The following CPA1 variants were observed in gnomAD, a reference collection of about 807,000 sequenced individuals.
CPA1 encodes carboxypeptidase A1, also known as carboxypeptidase A1 (pancreatic).
A neutral mutation model predicts 48.7 loss-of-function variants in CPA1; 42 were observed. The ratio of observed to expected loss-of-function variants is 0.86; its 90% confidence interval spans 0.67 to 1.11. The LOEUF (loss-of-function observed/expected upper bound fraction) is 1.11, where lower values mean the gene tolerates loss of function less well. CPA1 is among the 50% of genes most tolerant of loss of function. CPA1 has a pLI of 0.00. For missense variants in CPA1, 477 were observed against 544.7 expected (o/e 0.88, Z 1.24); for synonymous variants, 203 against 217.9 (o/e 0.93, Z 0.60).
intron 1 of CPA1, chr7:130,380,817 G>A: frequency 1.8e-6 from 1 of 560,516 alleles, no homozygotes; most frequent in Non-Finnish European, 3.2e-6. Flanking sequence ...GTTTTCAGGA[G>A]AGGAGAAAGG....
rs1427767623 is a variant in CPA1, at chr7:130,387,687, C to T, written c.1073-137C>T. On this transcript the variant is annotated intron_variant, in intron 9 of 9. Coordinates refer to ENST00000011292, the MANE Select transcript of CPA1 (RefSeq NM_001868.4). The surrounding 1 kb of genome is among the most constrained non-coding windows in gnomAD (Gnocchi z 4.6). Reference sequence around the variant, plus strand: ...GGAAGTGAGGCTGCTTGGTCAACAGCAGACCTTAGTAGACACTGACTCCAC... The same window carrying T: ...GGAAGTGAGGCTGCTTGGTCAACAGTAGACCTTAGTAGACACTGACTCCAC... 9 of 788,998 alleles carry T rather than the reference C, an allele frequency of 1.1e-5. No homozygotes were observed. Among genetic ancestry groups the T allele is most frequent in the Non-Finnish European group, 1.7e-5 (8 of 483,388 alleles). The allele number at this position is 788,998 out of a possible 1,614,324, so 48.9% of individuals were successfully genotyped here. A position where few individuals can be genotyped will look rare whatever the true frequency, so the allele number is the denominator to read the frequency against.
Position 130,381,147 on chromosome 7 carries a change from G to A in CPA1, c.115G>A (p.Val39Met), listed in dbSNP as rs1554411112. 1.2e-6 allele frequency: 2 copies of A among 1,613,644 alleles called. No individual in the cohort carries two copies. Among genetic ancestry groups the A allele is most frequent in the Admixed American group, 1.7e-5 (1 of 59,994 alleles). ...SVADEAQVQKVKELEDLEHLQ... is the reference protein window; with the variant it reads ...SVADEAQVQKMKELEDLEHLQ... ...AGCCGATGAGGCCCAGGTACAGAAGGTGAAGGAGCTGGAGGACCTGGAGCA... is the reference window on the plus strand; with the variant it reads ...AGCCGATGAGGCCCAGGTACAGAAGATGAAGGAGCTGGAGGACCTGGAGCA... The change falls in exon 2 of 10, where the codon GTG (valine) becomes ATG (methionine). Residue 39 changes from valine to methionine, a missense_variant. By Grantham distance (21) the Val-to-Met change is conservative. Transcript: ENST00000011292.
At chr7:130,383,914 C>A in intron 6 of CPA1, 120 bp downstream of exon 6, 1 of 771,194 alleles carries the variant, frequency 1.3e-6, no homozygotes, top group South Asian at 1.4e-5. Context: ...CAGACCTGTG[C>A]TCCTAGCCGA....
intron 7 of CPA1, 88 bp from the exon 8 acceptor site, chr7:130,385,058 C>A: frequency 7.4e-7 from 1 of 1,359,934 alleles, no homozygotes; most frequent in Non-Finnish European, 1.0e-6. Context: ...TCCATACCAC[C>A]TCACCCCCAA....
At position 130,382,102 on chromosome 7, in the gene CPA1, C is replaced by G; in HGVS notation, c.382-6C>G. 6.2e-7 allele frequency: 1 copy of G among 1,612,762 alleles called. No homozygotes were observed. The highest frequency in any genetic ancestry group is 8.5e-7 in the Non-Finnish European group (1 of 1,178,850). On this transcript the variant is annotated splice_polypyrimidine_tract_variant and splice_region_variant and intron_variant, in intron 3 of 9. Transcript: ENST00000011292. Reference sequence around the variant, plus strand: ...AAGGCCAGTGGTCTCTTCTTTCACACCTCAGATCTATGACTTCCTGGACCT... The same window carrying G: ...AAGGCCAGTGGTCTCTTCTTTCACAGCTCAGATCTATGACTTCCTGGACCT...
intron 5 of CPA1, 27 bp downstream of exon 5, chr7:130,383,519 C>G (rs781904231): frequency 6.3e-7 from 1 of 1,590,548 alleles, no homozygotes; most frequent in Admixed American, 1.7e-5. Flanking sequence ...GAGGAGGGCT[C>G]TCACCTGGTG....
rs1194266721 is a variant in CPA1 at position 130,387,384 on chromosome 7, G to A, written c.1073-440G>A. Among the ~76,000 whole-genome samples the A allele has an allele frequency of 6.6e-6, 1 of 152,202 alleles. No individual in the cohort carries two copies. Among genetic ancestry groups the A allele is most frequent in the Non-Finnish European group, 1.5e-5 (1 of 68,042 alleles). On this transcript the variant is annotated intron_variant, in intron 9 of 9. Transcript: ENST00000011292. This position sits in a 1 kb window ranked among gnomAD's most constrained non-coding sequence, Gnocchi z 4.6. The stretch of plus-strand genomic sequence containing the variant: ...TGTTAATTACAGTTTCCCGGGCAAA[G>A]TTTCCTCCTAAAAGAAAGACAAGGG...
intron 7 of CPA1, 91 bp downstream of exon 7, chr7:130,384,717 G>C (rs1211852881): frequency 9.1e-7 from 1 of 1,101,922 alleles, no homozygotes; most frequent in Non-Finnish European, 1.4e-6. Flanking sequence ...TCCTGCCCCT[G>C]CAGTGAGGGG....
chr7:130,385,424 T>G (rs1796462531), intron 8 of CPA1, 79 bp downstream of exon 8: 2 of 1,331,246 alleles, frequency 1.5e-6, no homozygotes, highest in Non-Finnish European at 2.2e-6. Flanking sequence ...TCAGACCTGC[T>G]TAAGGCACAG....
chr7:130,381,856 TGGAGG>T lies in CPA1; in HGVS notation c.375_379del (p.Glu126AspfsTer3). The stretch of plus-strand genomic sequence containing the variant: ...TTTAACTACGCCACCTACCACACCC[TGGAGG>T]AGGTGAGGGCGCCCCTAGCGGCCGC... On this transcript the variant is annotated frameshift_variant and splice_region_variant, in exon 3 of 10. Transcript: ENST00000011292. LOFTEE classifies it high-confidence loss of function. The T allele has an allele frequency of 6.2e-7, 1 of 1,613,344 alleles. No individual in the cohort carries two copies. Among genetic ancestry groups the T allele is most frequent in the Non-Finnish European group, 8.5e-7 (1 of 1,179,800 alleles).
intron 3 of CPA1, 25 bp downstream of exon 3, chr7:130,381,888 C>T: frequency 6.3e-7 from 1 of 1,594,590 alleles, no homozygotes; most frequent in South Asian, 1.1e-5. Flanking sequence ...AGCGGCCGCT[C>T]CCTGCAGCCA....
rs1796501500 is a variant in CPA1 at position 130,387,936 on chromosome 7, G to T, written c.1185G>T (p.Gln395His). 2 of 1,614,040 alleles carry T rather than the reference G, an allele frequency of 1.2e-6. No individual in the cohort carries two copies. Among genetic ancestry groups the T allele is most frequent in the Non-Finnish European group, 1.7e-6 (2 of 1,180,044 alleles). The change falls in exon 10 of 10, where the codon CAG becomes CAT. Residue 395 changes from glutamine to histidine, a missense_variant. Gln to His is a conservative substitution (Grantham distance 24). Coordinates refer to ENST00000011292, the MANE Select transcript of CPA1 (RefSeq NM_001868.4). The surrounding 1 kb of genome is among the most constrained non-coding windows in gnomAD (Gnocchi z 4.6). ...GRYGFLLPAS[Q>H]IIPTAKETWL... ...ATGGCTTCCTGCTGCCAGCCTCCCA[G>T]ATCATCCCCACAGCCAAGGAGACGT...
chr7:130,380,516 G>C lies in CPA1; in HGVS notation c.-5G>C, dbSNP rs370268037. On this transcript the variant is annotated 5_prime_UTR_variant, in exon 1 of 10. Coordinates refer to ENST00000011292, the MANE Select transcript of CPA1 (RefSeq NM_001868.4). ...CTCAGTCTGACCTTCCCTCCCGGCA[G>C]CAGCATGCGGGGGTTGCTGGTGTTG... 3.0e-5 allele frequency: 39 copies of C among 1,314,080 alleles called. No homozygotes were observed. The African/African-American group carries it at 5.6e-4, about 19-fold the overall frequency. 81.4% of individuals were successfully genotyped at this position (1,314,080 alleles called of 1,614,324 possible). A position where few individuals can be genotyped will look rare whatever the true frequency, so the allele number is the denominator to read the frequency against.
chr7:130,384,684 ACT>A (rs1392608387), intron 7 of CPA1, 58 bp downstream of exon 7: 2 of 1,400,920 alleles, frequency 1.4e-6, no homozygotes, highest in African/African-American at 2.8e-5. Flanking sequence ...GCTCCTCACC[ACT>A]GCTCTTGCTC....
chr7:130,383,401 G>A lies in CPA1; in HGVS notation c.494G>A (p.Gly165Glu), dbSNP rs200317425. Residue 165 changes from glycine to glutamate, a missense_variant, in exon 5 of 10, where the codon GGG (glycine) becomes GAG (glutamate). Gly to Glu is a moderately conservative substitution (Grantham distance 98). Transcript: ENST00000011292. ...RPIYVLKFSTGGSKRPAIWID... is the reference protein window; with the variant it reads ...RPIYVLKFSTEGSKRPAIWID... Reference sequence around the variant, plus strand: ...CTGCCTCCTCTCCAGTTCAGCACGGGGGGCAGTAAGCGTCCAGCCATCTGG... The same window carrying A: ...CTGCCTCCTCTCCAGTTCAGCACGGAGGGCAGTAAGCGTCCAGCCATCTGG... 5.6e-6 allele frequency: 9 copies of A among 1,614,052 alleles called. No homozygotes were observed. The highest frequency in any genetic ancestry group is 1.6e-4 in the Middle Eastern group (1 of 6,062).
rs368106753 is a variant in CPA1 at position 130,387,500 on chromosome 7, G to C, written c.1073-324G>C. ...TCCTGGTTACCCAAGCAGGGAACTC[G>C]GTATATTTAGGGGCTTCACCGAAAG... is the stretch of plus-strand genomic sequence containing the variant. On this transcript the variant is annotated intron_variant, in intron 9 of 9. Transcript: ENST00000011292. This position sits in a 1 kb window ranked among gnomAD's most constrained non-coding sequence, Gnocchi z 4.6. 6.6e-6 allele frequency among the ~76,000 whole-genome samples: 1 copy of C among 152,136 alleles called. No individual in the cohort carries two copies. Among genetic ancestry groups the C allele is most frequent in the Non-Finnish European group, 1.5e-5 (1 of 68,020 alleles).
chr7:130,383,511 G>C lies in CPA1; in HGVS notation c.585+19G>C, dbSNP rs1484473273. 1 of 1,603,466 alleles carries C rather than the reference G, an allele frequency of 6.2e-7. No homozygotes were observed. Among genetic ancestry groups the C allele is most frequent in the East Asian group, 2.2e-5 (1 of 44,802 alleles). The stretch of plus-strand genomic sequence containing the variant: ...AAAGAAGGTAAGGCCGGGGAGGTGA[G>C]GAGGGCTCTCACCTGGTGGGGCATT... On this transcript the variant is annotated intron_variant, in intron 5 of 9. Transcript: ENST00000011292.
At position 130,380,526 on chromosome 7, in the gene CPA1, G is replaced by T; in HGVS notation, c.6G>T (p.Arg2=). 7.6e-7 allele frequency: 1 copy of T among 1,315,454 alleles called. No individual in the cohort carries two copies. 81.5% of individuals were successfully genotyped at this position (1,315,454 alleles called of 1,614,324 possible). M[R]GLLVLSVLLG... is the part of the protein sequence containing the mutation. Reference sequence around the variant, plus strand: ...CCTTCCCTCCCGGCAGCAGCATGCGGGGGTTGCTGGTGTTGAGTGTCCTGT... The same window carrying T: ...CCTTCCCTCCCGGCAGCAGCATGCGTGGGTTGCTGGTGTTGAGTGTCCTGT... The change falls in exon 1 of 10, where the codon CGG becomes CGT. Residue 2 remains arginine, a synonymous_variant. Transcript: ENST00000011292.
In CPA1 at chr7:130,388,016, AC is replaced by A. The variant is rs200717942; in HGVS notation, c.*8del. 568 of 1,613,538 alleles carry A rather than the reference AC, an allele frequency of 3.5e-4. 5 individuals carry two copies. In the East Asian group the frequency reaches 0.012, roughly 34 times the overall value. ...ACCCTGAATCACCCCTACTGAGCTG[AC>A]CCTTTGACACCCTTCTTGTCCTCCT... On this transcript the variant is annotated 3_prime_UTR_variant, in exon 10 of 10. Transcript: ENST00000011292.
Sources: gnomAD v4.1 joint callset for allele counts (sites outside exome capture counted in the v4.1 genomes callset) on GRCh38, gnomAD v4.1.1 for gene constraint, Gnocchi (gnomAD v3.1) non-coding constraint, MANE v1.5 for transcripts, NCBI Gene and HGNC (gene_info 2026-07-23, HGNC 2026-07-21) for gene names.